The following CPEB3 variants were observed in gnomAD, a reference collection of about 807,000 sequenced individuals.
CPEB3 encodes cytoplasmic polyadenylation element-binding protein 3.
CPEB3 carries 20 observed loss-of-function variants against 67.2 expected under a neutral mutation model. The observed-to-expected ratio is 0.30, with a 90% CI of 0.21 to 0.43. The LOEUF is 0.43. Ranked by LOEUF, CPEB3 falls within the 20% of genes least tolerant of loss-of-function variation. The probability of loss-of-function intolerance (pLI) is 1.00; values close to 1 mark genes in which losing one functional copy is unlikely to be tolerated. For synonymous variants in CPEB3, 376 were observed against 393.1 expected (o/e 0.96, Z 0.51); for missense variants, 746 against 968.6 (o/e 0.77, Z 3.05).
At chr10:92,283,159 G>A (rs1480743549) in intron 1 of CPEB3, among the ~76,000 whole-genome samples, 1 of 152,094 alleles carries the variant, frequency 6.6e-6, no homozygotes, top group Non-Finnish European at 1.5e-5. Context: ...GGCTGAGGTG[G>A]GAGGATCACC....
chr10:92,064,021 T>C (rs1255707430), intron 9 of CPEB3, among the ~76,000 whole-genome samples: 1 of 151,932 alleles, frequency 6.6e-6, no homozygotes, highest in African/African-American at 2.4e-5. Context: ...GGCAAAAAAT[T>C]GGTAAGTCAA....
chr10:92,222,447 A>G (rs2134455184), intron 2 of CPEB3, among the ~76,000 whole-genome samples: 1 of 152,326 alleles, frequency 6.6e-6, no homozygotes, highest in African/African-American at 2.4e-5. Context: ...AATTTGCTAG[A>G]TTTGAATTTA....
intron 4 of CPEB3, among the ~76,000 whole-genome samples, chr10:92,173,211 A>G (rs1014834889): frequency 3.3e-5 from 5 of 152,234 alleles, no homozygotes; most frequent in African/African-American, 1.2e-4. Flanking sequence ...TGTGAAGTCC[A>G]GTTTCCACTG....
At position 92,278,601 on chromosome 10, in the gene CPEB3, CT is replaced by C. The variant is rs1294501874; in HGVS notation, c.-12+12324del. 8.5e-3 allele frequency among the ~76,000 whole-genome samples: 1,095 copies of C among 129,176 alleles called. 7 individuals are homozygous for C. Among genetic ancestry groups the C allele is most frequent in the African/African-American group, 0.025 (874 of 34,486 alleles). 84.7% of individuals were successfully genotyped at this position (129,176 alleles called of 152,430 possible). The stretch of plus-strand genomic sequence containing the variant: ...ACTTTGCTGAACTCATTGACTGGTT[CT>C]TTTTTTTTTTTTTTTTTGAGACAGA... On this transcript the variant is annotated intron_variant, in intron 1 of 9. Coordinates refer to ENST00000265997, the MANE Select transcript of CPEB3 (RefSeq NM_014912.5).
At chr10:92,218,667 C>T (rs1015440871) in intron 2 of CPEB3, among the ~76,000 whole-genome samples, 9 of 152,140 alleles carry the variant, frequency 5.9e-5, no homozygotes, top group Non-Finnish European at 1.0e-4. Flanking sequence ...CCACAGTAGG[C>T]CAACATAAAC....
rs1844312076 is a variant in CPEB3, at chr10:92,103,929, G to A, written c.1572+7147C>T. On this transcript the variant is annotated intron_variant, in intron 7 of 9. Transcript: ENST00000265997. The stretch of plus-strand genomic sequence containing the variant: ...GATTACTAAAACTCTTGAGAGGAAT[G>A]TACACATAAAAGTTCAGGTTACCTA... Among the ~76,000 whole-genome samples, 4 of 152,284 alleles carry A rather than the reference G, an allele frequency of 2.6e-5. No individual in the cohort carries two copies. The South Asian group carries it at 8.3e-4, about 32-fold the overall frequency.
At chr10:92,139,044 G>A (rs964083035) in intron 6 of CPEB3, among the ~76,000 whole-genome samples, 2 of 152,084 alleles carry the variant, frequency 1.3e-5, no homozygotes, top group African/African-American at 2.4e-5. Flanking sequence ...CTGGGAGGCC[G>A]AGGCAGGTGG....
chr10:92,061,141 G>A (rs1166019123), intron 9 of CPEB3, among the ~76,000 whole-genome samples: 4 of 152,140 alleles, frequency 2.6e-5, no homozygotes, highest in African/African-American at 9.7e-5. Context: ...TGAATGGGCC[G>A]AGTACGATGG....
At chr10:92,249,377 CAAA>C (rs59237572) in intron 1 of CPEB3, among the ~76,000 whole-genome samples, 7 of 120,646 alleles carry the variant, frequency 5.8e-5, no homozygotes, top group African/African-American at 1.5e-4. Context: ...GACTCCGTCT[CAAA>C]AAAAAAAAAA....
rs1280654807 is a variant in CPEB3, at chr10:92,049,203, G to A, written c.*3009C>T. 6.6e-6 allele frequency: 1 copy of A among 152,312 alleles called. No individual in the cohort carries two copies. Among genetic ancestry groups the A allele is most frequent in the African/African-American group, 2.4e-5 (1 of 41,360 alleles). The allele number at this position is 152,312 out of a possible 1,614,324, so 9.4% of individuals were successfully genotyped here. Reference sequence around the variant, plus strand: ...AAATAAATCTGCAATAAAGATTTATGCCTTTTTTCTTTTCTTTTTTTTTTC... The same window carrying A: ...AAATAAATCTGCAATAAAGATTTATACCTTTTTTCTTTTCTTTTTTTTTTC... On this transcript the variant is annotated 3_prime_UTR_variant, in exon 10 of 10. Coordinates refer to ENST00000265997, the MANE Select transcript of CPEB3 (RefSeq NM_014912.5).
intron 6 of CPEB3, among the ~76,000 whole-genome samples, chr10:92,132,470 G>A (rs1160685018): frequency 5.3e-5 from 8 of 152,086 alleles, no homozygotes; most frequent in Admixed American, 1.3e-4. Context: ...GTCTTGCAGC[G>A]GGAAAAATCT....
intron 4 of CPEB3, among the ~76,000 whole-genome samples, chr10:92,180,125 ACAC>A (rs202128018): frequency 0.013 from 1,980 of 152,332 alleles, 47 homozygotes; most frequent in African/African-American, 0.045. Context: ...TGATCCATTG[ACAC>A]TAGGAAGGAG....
chr10:92,224,829 G>C (rs1850882439), intron 2 of CPEB3, among the ~76,000 whole-genome samples: 1 of 149,924 alleles, frequency 6.7e-6, no homozygotes, highest in Admixed American at 6.7e-5. Context: ...CTGAGTGACA[G>C]AGCAAGACCA....
chr10:92,154,775 T>A (rs1056298541), intron 4 of CPEB3, among the ~76,000 whole-genome samples: 1 of 152,218 alleles, frequency 6.6e-6, no homozygotes, highest in Non-Finnish European at 1.5e-5. Flanking sequence ...TATTCCATTA[T>A]CCAAATAGGT....
chr10:92,239,838 G>A lies in CPEB3; in HGVS notation c.513C>T (p.Pro171=), dbSNP rs1328051040. ...QHHQQPPPPA[P]APQPAQPAQP... ...GCGCTGGCTGTGCCGGCTGCGGCGC[G>A]GGCGCAGGCGGCGGCGGCTGCTGGT... Residue 171 remains proline (P), a synonymous_variant, in exon 2 of 10, where the codon CCC becomes CCT. Transcript: ENST00000265997. This position sits in a 1 kb window ranked among gnomAD's most constrained non-coding sequence, Gnocchi z 6.0. 1.3e-6 allele frequency: 2 copies of A among 1,498,526 alleles called. No homozygotes were observed. Among genetic ancestry groups the A allele is most frequent in the South Asian group, 1.3e-5 (1 of 75,654 alleles). 92.8% of individuals were successfully genotyped at this position (1,498,526 alleles called of 1,614,324 possible).
chr10:92,155,897 A>G (rs1421035530), intron 4 of CPEB3, among the ~76,000 whole-genome samples: 2 of 152,196 alleles, frequency 1.3e-5, no homozygotes, highest in African/African-American at 4.8e-5. Context: ...ACTATAGGCG[A>G]CTTTATATTC....
At chr10:92,128,347 AC>A (rs1430996005) in intron 6 of CPEB3, among the ~76,000 whole-genome samples, 1 of 152,224 alleles carries the variant, frequency 6.6e-6, no homozygotes, top group Admixed American at 6.5e-5. Context: ...AAAATAAAAA[AC>A]ATAATGTTTT....
intron 2 of CPEB3, among the ~76,000 whole-genome samples, chr10:92,227,779 G>C (rs1851054851): frequency 6.6e-6 from 1 of 152,110 alleles, no homozygotes; most frequent in Non-Finnish European, 1.5e-5. Context: ...TTTTAGTAGA[G>C]ACGGGGTTTC....
chr10:92,217,206 C>CAAAAAAAAAAAAAAAA (rs1163974877), intron 2 of CPEB3, among the ~76,000 whole-genome samples: 1 of 25,450 alleles, frequency 3.9e-5, no homozygotes, highest in Admixed American at 7.9e-4. Flanking sequence ...GACTCTGCCT[C>CAAAAAAAAAAAAAAAA]AAAAAAAAAA....
Sources: allele counts gnomAD v4.1 joint callset (sites outside exome capture counted in the v4.1 genomes callset), GRCh38; gene constraint gnomAD v4.1.1; non-coding constraint Gnocchi (gnomAD v3.1); transcripts MANE v1.5; gene names NCBI Gene and HGNC (gene_info 2026-07-23, HGNC 2026-07-21).